B3GALT1: variants seen among roughly 807,000 people sequenced by gnomAD.
The protein encoded by B3GALT1 is UDP-Gal:betaGlcNAc beta 1,3-galactosyltransferase, polypeptide 1.
In B3GALT1, 10 loss-of-function variants were observed where a neutral mutation model predicts 23.2. The ratio of observed to expected loss-of-function variants is 0.43; its 90% CI spans 0.27 to 0.73. B3GALT1 has a LOEUF of 0.73. Ranked by LOEUF, B3GALT1 falls within the 30% of genes least tolerant of loss-of-function variation. The probability of loss-of-function intolerance (pLI) is 0.21; values close to 1 mark genes in which losing one functional copy is unlikely to be tolerated. For missense variants in B3GALT1, 299 were observed against 405.4 expected (o/e 0.74, Z 2.25); for synonymous variants, 156 against 141.5 (o/e 1.10, Z -0.73).
intron 2 of B3GALT1, among the ~76,000 whole-genome samples, chr2:167,634,173 C>G (rs1353597666): frequency 6.6e-6 from 1 of 152,036 alleles, no homozygotes; most frequent in Non-Finnish European, 1.5e-5. Flanking sequence ...CACAACATAG[C>G]AGAATCTCTG....
intron 3 of B3GALT1, among the ~76,000 whole-genome samples, chr2:167,779,046 G>A (rs955875987): frequency 1.2e-4 from 19 of 152,278 alleles, no homozygotes; most frequent in African/African-American, 4.6e-4. Flanking sequence ...CACAGAATTG[G>A]AAGGAGGCTA....
chr2:167,482,298 G>A (rs1363135803), intron 1 of B3GALT1, among the ~76,000 whole-genome samples: 1 of 152,096 alleles, frequency 6.6e-6, no homozygotes, highest in Non-Finnish European at 1.5e-5. Flanking sequence ...TCTCCATTAT[G>A]TCTAGGTTTT....
chr2:167,632,422 G>C (rs1486300825), intron 2 of B3GALT1, among the ~76,000 whole-genome samples: 1 of 152,096 alleles, frequency 6.6e-6, no homozygotes, highest in African/African-American at 2.4e-5. Context: ...CATTGCAAAA[G>C]TGTTCCTATT....
chr2:167,577,396 A>T (rs1295632653), intron 2 of B3GALT1, among the ~76,000 whole-genome samples: 1 of 151,874 alleles, frequency 6.6e-6, no homozygotes, highest in East Asian at 1.9e-4. Flanking sequence ...TTCATTTATC[A>T]AGTGGAAAGA....
chr2:167,333,696 G>T (rs541052842), intron 1 of B3GALT1, among the ~76,000 whole-genome samples: 14 of 152,198 alleles, frequency 9.2e-5, no homozygotes, highest in African/African-American at 3.4e-4. Flanking sequence ...GGACAATATC[G>T]TAAGAAATAA....
chr2:167,560,497 A>T (rs1379683952), intron 2 of B3GALT1, among the ~76,000 whole-genome samples: 1 of 152,246 alleles, frequency 6.6e-6, no homozygotes, highest in Non-Finnish European at 1.5e-5. Flanking sequence ...TCCAATTAAA[A>T]GACACAGACT....
intron 1 of B3GALT1, among the ~76,000 whole-genome samples, chr2:167,331,611 AC>A (rs1696973720): frequency 6.6e-6 from 1 of 152,046 alleles, no homozygotes; most frequent in Admixed American, 6.5e-5. Context: ...CTTAGGTGCT[AC>A]CACTAGTGGG....
intron 4 of B3GALT1, among the ~76,000 whole-genome samples, chr2:167,834,924 T>G (rs1235610020): frequency 6.6e-5 from 10 of 152,196 alleles, no homozygotes; most frequent in Non-Finnish European, 1.5e-4. Flanking sequence ...GCCTGACATT[T>G]TTATGCAAGC....
intron 2 of B3GALT1, among the ~76,000 whole-genome samples, chr2:167,595,272 G>T (rs1312730454): frequency 6.6e-6 from 1 of 152,074 alleles, no homozygotes; most frequent in African/African-American, 2.4e-5. Flanking sequence ...AAGTTCTCTG[G>T]GGGTAATAGA....
chr2:167,787,465 A>G (rs73971276), intron 3 of B3GALT1, among the ~76,000 whole-genome samples: 1 of 152,356 alleles, frequency 6.6e-6, no homozygotes, highest in South Asian at 2.1e-4. Flanking sequence ...TACCAGCCAA[A>G]TTGAATAAAA....
At chr2:167,757,550 G>A (rs1252856517) in intron 3 of B3GALT1, among the ~76,000 whole-genome samples, 2 of 152,086 alleles carry the variant, frequency 1.3e-5, no homozygotes, top group Non-Finnish European at 2.9e-5. Flanking sequence ...GGGGAAAAAG[G>A]CATAGGTACC....
At chr2:167,321,754 A>G (rs1696815510) in intron 1 of B3GALT1, among the ~76,000 whole-genome samples, 1 of 151,966 alleles carries the variant, frequency 6.6e-6, no homozygotes, top group African/African-American at 2.4e-5. Context: ...ACCAAAAGTG[A>G]CTCAGTACCC....
intron 1 of B3GALT1, among the ~76,000 whole-genome samples, chr2:167,299,871 A>G (rs544195336): frequency 2.0e-5 from 3 of 150,842 alleles, no homozygotes; most frequent in South Asian, 2.1e-4. Flanking sequence ...TATATAACAT[A>G]TATTCTTTTT....
At chr2:167,842,768 G>A (rs1689676140) in intron 4 of B3GALT1, among the ~76,000 whole-genome samples, 1 of 151,966 alleles carries the variant, frequency 6.6e-6, no homozygotes, top group Admixed American at 6.6e-5. Flanking sequence ...CAACTGCTTG[G>A]AAGGCTGAGG....
intron 1 of B3GALT1, among the ~76,000 whole-genome samples, chr2:167,448,097 A>G (rs1699029830): frequency 6.6e-6 from 1 of 152,194 alleles, no homozygotes; most frequent in African/African-American, 2.4e-5. Context: ...GTGTGGAAGT[A>G]TCTTTTTTGT....
rs12466155 is a variant in B3GALT1, at chr2:167,547,253, T to G, written c.-410+56976T>G. Among the ~76,000 whole-genome samples, 19 of 152,108 alleles carry G rather than the reference T, an allele frequency of 1.2e-4. No individual in the cohort carries two copies. The East Asian group carries it at 3.1e-3, about 25-fold the overall frequency. On this transcript the variant is annotated intron_variant, in intron 2 of 4. Coordinates refer to ENST00000392690, the MANE Select transcript of B3GALT1 (RefSeq NM_020981.4). ...CAATTTATTTCCCTCTTGGTCAGCC[T>G]GCCCGTTCAATGTACATCTGCACAT...
chr2:167,350,859 A>G (rs1697298330), intron 1 of B3GALT1, among the ~76,000 whole-genome samples: 1 of 152,188 alleles, frequency 6.6e-6, no homozygotes. Context: ...GACTGTTCTC[A>G]GCAACCTCAA....
At chr2:167,779,354 C>G (rs1029119253) in intron 3 of B3GALT1, among the ~76,000 whole-genome samples, 1 of 152,146 alleles carries the variant, frequency 6.6e-6, no homozygotes, top group East Asian at 1.9e-4. Flanking sequence ...GAATGACAGA[C>G]TCACCAGGAA....
chr2:167,468,559 G>A (rs1190637621), intron 1 of B3GALT1, among the ~76,000 whole-genome samples: 2 of 152,160 alleles, frequency 1.3e-5, no homozygotes, highest in Non-Finnish European at 2.9e-5. Flanking sequence ...GACAAAGTGT[G>A]TCTGACATCA....
Sources: gnomAD v4.1 joint callset for allele counts (sites outside exome capture counted in the v4.1 genomes callset) on GRCh38, gnomAD v4.1.1 for gene constraint, MANE v1.5 for transcripts, NCBI Gene and HGNC (gene_info 2026-07-23, HGNC 2026-07-21) for gene names.